Variants in ZNF724 observed in about 807,000 individuals in gnomAD.
The protein encoded by ZNF724 is zinc finger protein 724 pseudogene.
A neutral mutation model predicts 29.3 loss-of-function variants in ZNF724; 14 were observed. The ratio of observed to expected loss-of-function variants is 0.48; its 90% CI spans 0.32 to 0.75. ZNF724 has a LOEUF of 0.75. Ranked by LOEUF, ZNF724 falls within the 30% of genes least tolerant of loss-of-function variation. The pLI is 0.04. For missense variants in ZNF724, 557 were observed against 571.2 expected, an observed-to-expected ratio of 0.98 and a Z score of 0.25; for synonymous variants, 180 against 193.6, an observed-to-expected ratio of 0.93 and a Z score of 0.58.
intron 3 of ZNF724, among the ~76,000 whole-genome samples, chr19:23,225,311 TA>T (rs1220862861): frequency 6.6e-6 from 1 of 152,012 alleles, no homozygotes; most frequent in Non-Finnish European, 1.5e-5. Context: ...TATTCAGCCT[TA>T]AAAAAATCGT....
intron 1 of ZNF724, among the ~76,000 whole-genome samples, chr19:23,235,888 C>G (rs1412931379): frequency 3.3e-5 from 5 of 152,028 alleles, no homozygotes; most frequent in African/African-American, 1.2e-4. Flanking sequence ...ACAATTAAAC[C>G]AGAATGTGAC....
intron 1 of ZNF724, among the ~76,000 whole-genome samples, chr19:23,248,986 A>G (rs966423558): frequency 6.7e-6 from 1 of 148,892 alleles, no homozygotes; most frequent in Non-Finnish European, 1.5e-5. Context: ...ACTCCGTCTC[A>G]AAAAAACAAA....
intron 1 of ZNF724, among the ~76,000 whole-genome samples, chr19:23,248,277 A>C (rs879857954): frequency 2.0e-5 from 3 of 152,212 alleles, no homozygotes; most frequent in Non-Finnish European, 4.4e-5. Flanking sequence ...CTAAAGGACA[A>C]ATAGTTCATA....
chr19:23,247,749 C>T (rs1023852545), intron 1 of ZNF724, among the ~76,000 whole-genome samples: 1 of 152,160 alleles, frequency 6.6e-6, no homozygotes, highest in Admixed American at 6.5e-5. Flanking sequence ...TCAATACCAG[C>T]GTCTGATCGC....
At chr19:23,229,188 TA>T (rs1971891669) in intron 3 of ZNF724, among the ~76,000 whole-genome samples, 1 of 152,056 alleles carries the variant, frequency 6.6e-6, no homozygotes, top group Admixed American at 6.6e-5. Context: ...ATTCAGGTGG[TA>T]AACTACAGGA....
At chr19:23,231,221 T>A (rs745444842) in intron 3 of ZNF724, 45 bp downstream of exon 3, 7 of 1,214,004 alleles carry the variant, frequency 5.8e-6, no homozygotes, top group Admixed American at 4.3e-5. Context: ...TCCTTGACAT[T>A]TGGACCTCTC....
intron 1 of ZNF724, among the ~76,000 whole-genome samples, chr19:23,238,683 G>A (rs1291438427): frequency 6.6e-6 from 1 of 152,226 alleles, no homozygotes; most frequent in Non-Finnish European, 1.5e-5. Flanking sequence ...ACGAGGCCGA[G>A]GTGGTTAGAT....
At chr19:23,243,475 C>CAAAAAAAAAAAAAAAAAAAAA (rs61241201) in intron 1 of ZNF724, among the ~76,000 whole-genome samples, 1 of 31,206 alleles carries the variant, frequency 3.2e-5, no homozygotes, top group Non-Finnish European at 5.5e-5. Flanking sequence ...GAGTCCATCT[C>CAAAAAAAAAAAAAAAAAAAAA]AAAAAAAAAA....
intron 1 of ZNF724, chr19:23,242,588 C>T (rs1212913162): frequency 6.6e-6 from 1 of 151,500 alleles, no homozygotes; most frequent in Non-Finnish European, 1.5e-5. Flanking sequence ...GTGGCACGTA[C>T]CTGTAATCCC....
At chr19:23,240,138 A>C in intron 1 of ZNF724, among the ~76,000 whole-genome samples, 1 of 152,012 alleles carries the variant, frequency 6.6e-6, no homozygotes, top group East Asian at 1.9e-4. Context: ...CAACATGGTG[A>C]AACCCCCTCT....
chr19:23,238,182 G>A (rs1414840843), intron 1 of ZNF724, among the ~76,000 whole-genome samples: 3 of 151,960 alleles, frequency 2.0e-5, no homozygotes, highest in East Asian at 1.9e-4. Context: ...TGGCTAACAC[G>A]GTGAAACCCC....
At chr19:23,224,197 A>G (rs2145770235) in intron 3 of ZNF724, among the ~76,000 whole-genome samples, 179 bp from the exon 4 acceptor site, 1 of 152,302 alleles carries the variant, frequency 6.6e-6, no homozygotes, top group South Asian at 2.1e-4. Context: ...AGATCACCTG[A>G]AGTCAGGAGT....
intron 1 of ZNF724, among the ~76,000 whole-genome samples, chr19:23,240,898 C>T (rs992244883): frequency 1.5e-4 from 23 of 151,642 alleles, no homozygotes; most frequent in Non-Finnish European, 2.9e-4. Flanking sequence ...CCAGGTGTGG[C>T]GGCATATGCC....
At position 23,223,447 on chromosome 19, in the gene ZNF724, G is replaced by C. The variant is rs1301420151; in HGVS notation, c.798C>G (p.Ser266=). The C allele has an allele frequency of 1.3e-6, 1 of 766,078 alleles. No homozygotes were observed. Among genetic ancestry groups the C allele is most frequent in the African/African-American group, 1.7e-5 (1 of 58,670 alleles). The allele number at this position is 766,078 out of a possible 1,614,324, so 47.5% of individuals were successfully genotyped here. The change falls in exon 4 of 4, where the codon TCC becomes TCG. Residue 266 remains serine (S), a synonymous_variant. Coordinates refer to ENST00000418100, the MANE Select transcript of ZNF724 (RefSeq NM_001355404.2). ...TTATCTTATGTGTAGTAAGGTGTGA[G>C]GATATGTTAAAAGCTTTTCCACATT... ...REECGKAFNI[S]SHLTTHKIIH...
chr19:23,242,951 A>T (rs2145792340), intron 1 of ZNF724, among the ~76,000 whole-genome samples: 1 of 149,900 alleles, frequency 6.7e-6, no homozygotes, highest in Middle Eastern at 3.5e-3. Context: ...AGGCAGGAGA[A>T]TAGCTTGAAC....
At chr19:23,227,833 CAT>C (rs77453119) in intron 3 of ZNF724, among the ~76,000 whole-genome samples, 21,905 of 152,028 alleles carry the variant, frequency 0.14, 1,574 homozygotes, top group Middle Eastern at 0.23. Context: ...TAAATTCTGA[CAT>C]ATGTGTCAAT....
intron 1 of ZNF724, among the ~76,000 whole-genome samples, chr19:23,245,564 G>A (rs1261016511): frequency 3.3e-5 from 5 of 151,656 alleles, no homozygotes; most frequent in African/African-American, 1.2e-4. Flanking sequence ...AGTGAGCAGA[G>A]ATCGCGCCAC....
intron 3 of ZNF724, among the ~76,000 whole-genome samples, chr19:23,226,273 G>C (rs902636654): frequency 6.6e-6 from 1 of 151,980 alleles, no homozygotes; most frequent in Non-Finnish European, 1.5e-5. Context: ...CAATGGTCTC[G>C]ACCTCCTGAC....
intron 1 of ZNF724, among the ~76,000 whole-genome samples, chr19:23,239,799 A>ATTATTTATT (rs1972087547): frequency 6.6e-6 from 1 of 152,166 alleles, no homozygotes; most frequent in Non-Finnish European, 1.5e-5. Context: ...CAACGCAGCG[A>ATTATTTATT]GACTGTTTCA....
Sources: gnomAD v4.1 joint callset for allele counts (sites outside exome capture counted in the v4.1 genomes callset) on GRCh38, gnomAD v4.1.1 for gene constraint, MANE v1.5 for transcripts, NCBI Gene and HGNC (gene_info 2026-07-23, HGNC 2026-07-21) for gene names.